Variants in TMEM132B observed in about 807,000 individuals in gnomAD.
TMEM132B encodes the protein transmembrane protein 132B.
TMEM132B carries 18 observed loss-of-function variants against 90.8 expected under a neutral mutation model. That is an observed-to-expected ratio of 0.20 (90% CI 0.14 to 0.29). The LOEUF is 0.29. TMEM132B is among the 10% of genes least tolerant of loss of function. The pLI, the probability that TMEM132B is intolerant of heterozygous loss-of-function variation, is 1.00. For missense variants in TMEM132B, 1,096 were observed against 1,326.8 expected (o/e 0.83, Z 2.70); for synonymous variants, 504 against 523.3 (o/e 0.96, Z 0.50).
At chr12:125,527,379 TCCA>T (rs1883510791) in intron 4 of TMEM132B, among the ~76,000 whole-genome samples, 16 of 125,668 alleles carry the variant, frequency 1.3e-4, no homozygotes, top group Non-Finnish European at 2.3e-4. Flanking sequence ...CCTCCACTCT[TCCA>T]TCCACCCATC....
At chr12:125,307,104 C>T (rs1207917538) in intron 1 of TMEM132B, among the ~76,000 whole-genome samples, 2 of 152,226 alleles carry the variant, frequency 1.3e-5, no homozygotes, top group Non-Finnish European at 2.9e-5. Flanking sequence ...AACACTGCAA[C>T]CACTTGGAGT....
chr12:125,504,293 A>G (rs1393303626), intron 3 of TMEM132B, among the ~76,000 whole-genome samples: 1 of 152,152 alleles, frequency 6.6e-6, no homozygotes, highest in African/African-American at 2.4e-5. Flanking sequence ...AACTCTGCTA[A>G]TTTCAAGGTT....
intron 5 of TMEM132B, among the ~76,000 whole-genome samples, chr12:125,614,445 T>C (rs1212840742): frequency 6.6e-6 from 1 of 152,178 alleles, no homozygotes; most frequent in African/African-American, 2.4e-5. Context: ...GGACATGATT[T>C]CATTCTTTTT....
At position 125,475,942 on chromosome 12, in the gene TMEM132B, G is replaced by A. The variant is rs148863379; in HGVS notation, c.1107-43497G>A. Among the ~76,000 whole-genome samples, 42 of 152,310 alleles carry A rather than the reference G, an allele frequency of 2.8e-4. No homozygotes were observed. In the South Asian group the frequency reaches 7.3e-3, roughly 26 times the overall value. On this transcript the variant is annotated intron_variant, in intron 3 of 8. Transcript: ENST00000682704. The stretch of plus-strand genomic sequence containing the variant: ...GCTGATATAATTCTTGAGCATAAGA[G>A]TGTGAAATTTAGCTTTGTTTTTTTT...
chr12:125,505,543 A>G (rs183608059), intron 3 of TMEM132B, among the ~76,000 whole-genome samples: 96 of 152,128 alleles, frequency 6.3e-4, no homozygotes, highest in African/African-American at 2.1e-3. Flanking sequence ...TACTAAAAAT[A>G]CAAAAATTAG....
chr12:125,615,797 G>C (rs1171342425), intron 5 of TMEM132B, among the ~76,000 whole-genome samples: 3 of 152,046 alleles, frequency 2.0e-5, no homozygotes, highest in Non-Finnish European at 4.4e-5. Context: ...GTGGTGTAGG[G>C]GCCAAGGCTA....
chr12:125,420,579 G>A (rs1006413665), intron 3 of TMEM132B, among the ~76,000 whole-genome samples: 7 of 152,190 alleles, frequency 4.6e-5, no homozygotes, highest in African/African-American at 1.7e-4. Context: ...GCCTCTGATG[G>A]GAGCGACTGC....
At chr12:125,602,065 A>G (rs1228704697) in intron 5 of TMEM132B, among the ~76,000 whole-genome samples, 1 of 152,224 alleles carries the variant, frequency 6.6e-6, no homozygotes, top group Non-Finnish European at 1.5e-5. Context: ...TCCTTCTGAA[A>G]CTATTCCAAA....
chr12:125,625,130 C>CTTTTTTTTTTTTTTTTTTTTTTTT (rs1169262449), intron 5 of TMEM132B, among the ~76,000 whole-genome samples: 1 of 103,912 alleles, frequency 9.6e-6, no homozygotes. Context: ...GATTTGACTT[C>CTTTTTTTTTTTTTTTTTTTTTTTT]TTTTTTTTTT....
intron 5 of TMEM132B, among the ~76,000 whole-genome samples, chr12:125,597,003 C>T (rs1885455215): frequency 6.6e-6 from 1 of 152,160 alleles, no homozygotes; most frequent in Non-Finnish European, 1.5e-5. Flanking sequence ...GAAGACCCTG[C>T]AGCAGTTGCC....
chr12:125,501,783 C>G (rs1216655194), intron 3 of TMEM132B, among the ~76,000 whole-genome samples: 1 of 152,154 alleles, frequency 6.6e-6, no homozygotes, highest in Non-Finnish European at 1.5e-5. Flanking sequence ...TTGCAAGACT[C>G]TCAGTCTGGA....
chr12:125,273,260 C>T (rs1300205631), intron 1 of TMEM132B, among the ~76,000 whole-genome samples: 1 of 151,990 alleles, frequency 6.6e-6, no homozygotes, highest in Non-Finnish European at 1.5e-5. Flanking sequence ...AGAATAAAAC[C>T]ATACAATGAA....
At chr12:125,464,428 G>A (rs1192217428) in intron 3 of TMEM132B, among the ~76,000 whole-genome samples, 1 of 152,140 alleles carries the variant, frequency 6.6e-6, no homozygotes, top group Non-Finnish European at 1.5e-5. Context: ...TGGATGGGTC[G>A]AAACTGCTTT....
chr12:125,198,613 T>C (rs78051905), intron 1 of TMEM132B, among the ~76,000 whole-genome samples: 5,968 of 152,296 alleles, frequency 0.039, 154 homozygotes, highest in African/African-American at 0.065. Flanking sequence ...TGATCGACCA[T>C]ACTTAAGTCC....
At chr12:125,373,941 C>T (rs540316633) in intron 2 of TMEM132B, among the ~76,000 whole-genome samples, 11 of 152,084 alleles carry the variant, frequency 7.2e-5, no homozygotes, top group Non-Finnish European at 1.6e-4. Flanking sequence ...ATTACAGGCA[C>T]GCACCACCAA....
At position 125,246,894 on chromosome 12, in the gene TMEM132B, C is replaced by T. The variant is rs894903566; in HGVS notation, c.67+60028C>T. Among the ~76,000 whole-genome samples, 2 of 150,542 alleles carry T rather than the reference C, an allele frequency of 1.3e-5. No homozygotes were observed. The highest frequency in any genetic ancestry group is 2.4e-5 in the African/African-American group (1 of 40,980). On this transcript the variant is annotated intron_variant, in intron 1 of 8. Coordinates refer to ENST00000682704, the MANE Select transcript of TMEM132B (RefSeq NM_001366854.1). This position sits in a 1 kb window ranked among gnomAD's most constrained non-coding sequence, Gnocchi z 4.2. ...TTCAGCATTTCATCACATTTCCCAC[C>T]GGGAGAGCCTGGGGTTTGTGGGGGA...
intron 1 of TMEM132B, among the ~76,000 whole-genome samples, chr12:125,196,540 G>A (rs960100118): frequency 1.3e-5 from 2 of 152,110 alleles, no homozygotes; most frequent in African/African-American, 4.8e-5. Flanking sequence ...AAACCCCATC[G>A]CTACTGAAAA....
intron 1 of TMEM132B, among the ~76,000 whole-genome samples, chr12:125,264,786 A>G (rs932556018): frequency 3.1e-4 from 47 of 152,256 alleles, no homozygotes; most frequent in African/African-American, 1.1e-3. Context: ...TATAAAGTCC[A>G]TCTGCATTCT....
intron 1 of TMEM132B, among the ~76,000 whole-genome samples, chr12:125,197,270 A>G (rs1362704504): frequency 1.3e-5 from 2 of 152,164 alleles, no homozygotes; most frequent in East Asian, 3.8e-4. Context: ...TGATTCTGGC[A>G]CAGTTTATTG....
Sources: gnomAD v4.1 joint callset for allele counts (sites outside exome capture counted in the v4.1 genomes callset) on GRCh38, gnomAD v4.1.1 for gene constraint, Gnocchi (gnomAD v3.1) non-coding constraint, MANE v1.5 for transcripts, NCBI Gene and HGNC (gene_info 2026-07-23, HGNC 2026-07-21) for gene names.